Variants in THSD4 observed in about 807,000 individuals in gnomAD.
THSD4 encodes thrombospondin type-1 domain-containing protein 4.
Under a neutral mutation model 119.0 loss-of-function variants are expected in THSD4, and 69 were observed. That is an observed-to-expected ratio of 0.58 (90% CI 0.48 to 0.71). THSD4 has a LOEUF of 0.71. Among genes scored for constraint, THSD4 ranks in the 30% least tolerant of loss-of-function variants. The pLI, the probability that THSD4 is intolerant of heterozygous loss-of-function variation, is 0.00. For synonymous variants in THSD4, 524 were observed against 540.4 expected (o/e 0.97, Z 0.42); for missense variants, 1,393 against 1,391.1 (o/e 1.00, Z -0.02).
At chr15:71,378,307 G>A (rs1276903891) in intron 6 of THSD4, among the ~76,000 whole-genome samples, 1 of 152,164 alleles carries the variant, frequency 6.6e-6, no homozygotes, top group East Asian at 1.9e-4. Flanking sequence ...CACTATTCTT[G>A]TAAAGGCATG....
chr15:71,111,194 C>T, upstream of THSD4: 1 of 1,612,984 alleles, frequency 6.2e-7, no homozygotes, highest in Non-Finnish European at 8.5e-7. Context: ...AGGATGAGAG[C>T]AAGTGTGAAG....
At chr15:71,183,766 C>A (rs1329917285) in intron 3 of THSD4, among the ~76,000 whole-genome samples, 3 of 151,438 alleles carry the variant, frequency 2.0e-5, no homozygotes, top group African/African-American at 7.3e-5. Context: ...AGTTCCCCAG[C>A]CTTGAAACTG....
chr15:71,779,315 G>C lies in THSD4; in HGVS notation c.*1941G>C, dbSNP rs2053963607. The stretch of plus-strand genomic sequence containing the variant: ...AGAGACCAGAGAGGCCAAGCATATT[G>C]ACTGGTGCTGTTCAGGGCCTGCTCT... On this transcript the variant is annotated 3_prime_UTR_variant, in exon 18 of 18. Transcript: ENST00000261862. The C allele has an allele frequency of 6.6e-6, 1 of 152,240 alleles. No individual in the cohort carries two copies. Among genetic ancestry groups the C allele is most frequent in the Non-Finnish European group, 1.5e-5 (1 of 68,088 alleles). The allele number at this position is 152,240 out of a possible 1,614,324, so 9.4% of individuals were successfully genotyped here. A position where few individuals can be genotyped will look rare whatever the true frequency, so the allele number is the denominator to read the frequency against.
At chr15:71,389,465 C>CTT (rs71154766) in intron 6 of THSD4, among the ~76,000 whole-genome samples, 24,335 of 143,684 alleles carry the variant, frequency 0.17, 2,102 homozygotes, top group Admixed American at 0.24. Flanking sequence ...AGAATTTCCT[C>CTT]TTTTTTTTTT....
intron 7 of THSD4, among the ~76,000 whole-genome samples, chr15:71,514,172 C>T (rs909217945): frequency 6.6e-6 from 1 of 152,118 alleles, no homozygotes; most frequent in East Asian, 1.9e-4. Context: ...TGAGGAAGAA[C>T]GAGGCACAGC....
At position 71,130,213 on chromosome 15, in the gene THSD4, T is replaced by C. The variant is rs375606743; in HGVS notation, c.-79-11236T>C. 5.9e-5 allele frequency among the ~76,000 whole-genome samples: 9 copies of C among 151,872 alleles called. No individual in the cohort carries two copies. The South Asian group carries it at 1.9e-3, about 32-fold the overall frequency. ...TTATTTTTATTTTTTTGAGACAGAG[T>C]CTTTCTCTGTTGACCAGGCTCGAGT... is the stretch of plus-strand genomic sequence containing the variant. On this transcript the variant is annotated intron_variant, in intron 1 of 17. Transcript: ENST00000261862.
chr15:71,301,584 T>C (rs7175468), intron 6 of THSD4, among the ~76,000 whole-genome samples: 86,745 of 152,066 alleles, frequency 0.57, 25,537 homozygotes, highest in East Asian at 0.73. Flanking sequence ...TCCCCTCTAG[T>C]ACTCTGCCTT....
At position 71,596,633 on chromosome 15, in the gene THSD4, G is replaced by A. The variant is rs994412942; in HGVS notation, c.1153-63897G>A. Among the ~76,000 whole-genome samples, 11 of 152,290 alleles carry A rather than the reference G, an allele frequency of 7.2e-5. No individual in the cohort carries two copies. In the East Asian group the frequency reaches 1.9e-3, roughly 27 times the overall value. On this transcript the variant is annotated intron_variant, in intron 7 of 17. Coordinates refer to ENST00000261862, the MANE Select transcript of THSD4 (RefSeq NM_024817.3). ...ACTCTTTGAATTCTAAAGTTTCCTG[G>A]TGTGGACAGGGTCTAGGTTGATCCT...
intron 7 of THSD4, among the ~76,000 whole-genome samples, chr15:71,495,863 C>T (rs1012410606): frequency 6.6e-6 from 1 of 152,174 alleles, no homozygotes; most frequent in African/African-American, 2.4e-5. Context: ...AAAGACCATG[C>T]GTCTCATTTA....
intron 6 of THSD4, among the ~76,000 whole-genome samples, chr15:71,326,622 C>T (rs1260597708): frequency 3.1e-5 from 4 of 128,098 alleles, no homozygotes; most frequent in Admixed American, 1.7e-4. Flanking sequence ...TGCAGTGAGC[C>T]GAGATCACGC....
chr15:71,193,915 G>T (rs1420378441), intron 3 of THSD4, among the ~76,000 whole-genome samples: 3 of 152,184 alleles, frequency 2.0e-5, no homozygotes, highest in East Asian at 3.9e-4. Flanking sequence ...GTTTCACCGT[G>T]TTAGCCAGGA....
chr15:71,689,632 C>T (rs572907439), intron 8 of THSD4, among the ~76,000 whole-genome samples: 7 of 152,198 alleles, frequency 4.6e-5, no homozygotes, highest in Non-Finnish European at 7.3e-5. Context: ...ATCCTCCTAG[C>T]TCTGTGCTGG....
intron 17 of THSD4, among the ~76,000 whole-genome samples, chr15:71,776,987 T>TGAAGGAGGAAGTGATCAGAGAG (rs1334639664): frequency 1.3e-5 from 2 of 152,180 alleles, no homozygotes. Flanking sequence ...GTGATGAGGA[T>TGAAGGAGGAAGTGATCAGAGAG]GAAGGAGGAA....
intron 1 of THSD4, among the ~76,000 whole-genome samples, chr15:71,123,744 G>A (rs1203977586): frequency 6.6e-6 from 1 of 152,204 alleles, no homozygotes; most frequent in Non-Finnish European, 1.5e-5. Context: ...AAACAAGGTT[G>A]GGGGAGAGGG....
chr15:71,096,922 A>G (rs1019167425), upstream of THSD4: 2 of 152,266 alleles, frequency 1.3e-5, no homozygotes, highest in Admixed American at 6.5e-5. Context: ...TCGAGACCAG[A>G]TAAGCCTGCA....
chr15:71,126,310 T>C lies in THSD4; in HGVS notation c.-80+10612T>C, dbSNP rs139472774. Among the ~76,000 whole-genome samples the C allele has an allele frequency of 9.2e-3, 1,403 of 152,230 alleles. 5 individuals carry two copies. The highest frequency in any genetic ancestry group is 0.015 in the Non-Finnish European group (1,048 of 67,994). ...GCCCCTCCAAGCCAGGGACATGTCA[T>C]TGGGGACCTGGTGGGGAGCTGGAAC... On this transcript the variant is annotated intron_variant, in intron 1 of 17. Coordinates refer to ENST00000261862, the MANE Select transcript of THSD4 (RefSeq NM_024817.3).
intron 7 of THSD4, among the ~76,000 whole-genome samples, chr15:71,535,372 C>A (rs1375454981): frequency 6.6e-6 from 1 of 152,144 alleles, no homozygotes; most frequent in African/African-American, 2.4e-5. Flanking sequence ...TTATATATAT[C>A]TGTTCATTAG....
chr15:71,706,320 G>A (rs1456549022), intron 8 of THSD4, among the ~76,000 whole-genome samples: 1 of 152,134 alleles, frequency 6.6e-6, no homozygotes, highest in Non-Finnish European at 1.5e-5. Context: ...ATGACTGGGA[G>A]GACACCTGAG....
At chr15:71,642,618 C>A (rs1339315383) in intron 7 of THSD4, among the ~76,000 whole-genome samples, 3 of 152,094 alleles carry the variant, frequency 2.0e-5, no homozygotes, top group Non-Finnish European at 4.4e-5. Flanking sequence ...TACTATGCAG[C>A]CGTAAAAAAT....
Sources: gnomAD v4.1 joint callset for allele counts (sites outside exome capture counted in the v4.1 genomes callset) on GRCh38, gnomAD v4.1.1 for gene constraint, MANE v1.5 for transcripts, NCBI Gene and HGNC (gene_info 2026-07-23, HGNC 2026-07-21) for gene names.